Variants in ST18 observed in about 807,000 individuals in gnomAD.
ST18 encodes ST18 C2H2C-type zinc finger transcription factor, also known as suppression of tumorigenicity 18 protein.
ST18 carries 50 observed loss-of-function variants against 110.0 expected under a neutral mutation model. The observed-to-expected ratio is 0.45, with a 90% confidence interval of 0.36 to 0.58. The LOEUF (loss-of-function observed/expected upper bound fraction) is 0.58, where lower values mean the gene tolerates loss of function less well. Ranked by LOEUF, ST18 falls within the 20% of genes least tolerant of loss-of-function variation. The pLI is 0.00. For missense variants in ST18, 1,306 were observed against 1,280.1 expected (o/e 1.02, Z -0.31); for synonymous variants, 461 against 452.4 (o/e 1.02, Z -0.24).
At chr8:52,192,484 A>G (rs1183255463) in intron 8 of ST18, among the ~76,000 whole-genome samples, 36 of 152,198 alleles carry the variant, frequency 2.4e-4, no homozygotes, top group Admixed American at 2.4e-3. Flanking sequence ...ATTCACTGAT[A>G]CTATCACACA....
chr8:52,176,504 C>T (rs1161594053), intron 9 of ST18, among the ~76,000 whole-genome samples: 1 of 152,206 alleles, frequency 6.6e-6, no homozygotes, highest in Admixed American at 6.5e-5. Context: ...TACAGCCAGC[C>T]AGTGAGCAGA....
chr8:52,244,339 G>T (rs2093676278), intron 2 of ST18, among the ~76,000 whole-genome samples: 1 of 152,056 alleles, frequency 6.6e-6, no homozygotes, highest in South Asian at 2.1e-4. Flanking sequence ...AATATCAGTG[G>T]GATATTCTAT....
chr8:52,122,384 AC>A (rs2045284759), intron 23 of ST18, among the ~76,000 whole-genome samples: 2 of 152,136 alleles, frequency 1.3e-5, no homozygotes, highest in South Asian at 4.1e-4. Flanking sequence ...GGCTTTAAGT[AC>A]TATAGTTATG....
chr8:52,237,600 T>C (rs1299101009), intron 2 of ST18, among the ~76,000 whole-genome samples: 4 of 152,168 alleles, frequency 2.6e-5, no homozygotes, highest in Non-Finnish European at 5.9e-5. Flanking sequence ...CATCACAAGA[T>C]GGGTGATGGA....
chr8:52,319,511 T>G (rs1802949021), intron 2 of ST18, among the ~76,000 whole-genome samples: 1 of 152,242 alleles, frequency 6.6e-6, no homozygotes, highest in African/African-American at 2.4e-5. Context: ...TTTTTTAGTT[T>G]ATCATTATGA....
In ST18 at chr8:52,172,410, C is replaced by T; in HGVS notation, c.451G>A (p.Asp151Asn). The T allele has an allele frequency of 1.2e-6, 2 of 1,613,996 alleles. No individual in the cohort carries two copies. The highest frequency in any genetic ancestry group is 8.5e-7 in the Non-Finnish European group (1 of 1,180,030). The change falls in exon 10 of 26, where the codon GAC (aspartate) becomes AAC (asparagine). Residue 151 changes from aspartate (D) to asparagine (N), a missense_variant. By Grantham distance (23) the Asp-to-Asn change is conservative. Coordinates refer to ENST00000689386, the MANE Select transcript of ST18 (RefSeq NM_001352837.2). ...SVQTVSENLNDSGIQSLKAES... is the reference protein window; with the variant it reads ...SVQTVSENLNNSGIQSLKAES... ...GCTTTTAAAGACTGGATGCCACTGT[C>T]ATTTAAATTTTCACTTACAGTCTGA...
chr8:52,305,947 C>A (rs902448859), intron 2 of ST18, among the ~76,000 whole-genome samples: 12 of 152,192 alleles, frequency 7.9e-5, no homozygotes, highest in African/African-American at 2.7e-4. Flanking sequence ...TCCTTCAGGG[C>A]CTCCCTGTGT....
intron 2 of ST18, among the ~76,000 whole-genome samples, chr8:52,402,664 G>A (rs1216604381): frequency 1.3e-5 from 2 of 152,190 alleles, no homozygotes; most frequent in African/African-American, 4.8e-5. Flanking sequence ...GTGGGATACA[G>A]CAGTAGGTCA....
At position 52,133,268 on chromosome 8, in the gene ST18, G is replaced by A. The variant is rs752870557; in HGVS notation, c.2334C>T (p.His778=). ...TGTGGGAAGCATAGTTTCCAGTCAC[G>A]TGCCCCGAGCCATCGCAGCCTGGGG... The part of the protein sequence containing the change: ...CPTPGCDGSG[H]VTGNYASHRS... The change falls in exon 20 of 26, where the codon CAC becomes CAT. Residue 778 remains histidine (H), a synonymous_variant. Coordinates refer to ENST00000689386, the MANE Select transcript of ST18 (RefSeq NM_001352837.2). 157 of 1,614,096 alleles carry A rather than the reference G, an allele frequency of 9.7e-5. 2 individuals are homozygous for A. The highest frequency in any genetic ancestry group is 8.0e-4 in the South Asian group (73 of 91,072).
At chr8:52,407,216 A>G (rs903699346) in intron 2 of ST18, 3 of 152,204 alleles carry the variant, frequency 2.0e-5, no homozygotes, top group Non-Finnish European at 2.9e-5. Context: ...TTTTCTTTCC[A>G]GATTTCAAGT....
chr8:52,367,353 C>T (rs1051172810), intron 2 of ST18, among the ~76,000 whole-genome samples: 1 of 151,816 alleles, frequency 6.6e-6, no homozygotes, highest in Non-Finnish European at 1.5e-5. Context: ...ACCCGGGAGG[C>T]GGAGGTTGCA....
chr8:52,240,573 C>A (rs10111336), intron 2 of ST18, among the ~76,000 whole-genome samples: 2,672 of 152,202 alleles, frequency 0.018, 73 homozygotes, highest in African/African-American at 0.061. Context: ...CTTTTTCTTT[C>A]TTCCATATCT....
chr8:52,284,528 T>G (rs905512389), intron 2 of ST18, among the ~76,000 whole-genome samples: 2 of 152,040 alleles, frequency 1.3e-5, no homozygotes, highest in African/African-American at 2.4e-5. Context: ...CAGGATGGTC[T>G]AGAAGCAGTG....
intron 2 of ST18, among the ~76,000 whole-genome samples, chr8:52,285,106 T>C (rs2095446857): frequency 1.3e-5 from 2 of 152,148 alleles, no homozygotes; most frequent in African/African-American, 2.4e-5. Context: ...GCTTCTGAGA[T>C]TTTCCACAAG....
intron 2 of ST18, among the ~76,000 whole-genome samples, chr8:52,398,034 T>C (rs1003192323): frequency 3.3e-5 from 5 of 152,284 alleles, no homozygotes; most frequent in African/African-American, 4.8e-5. Flanking sequence ...CTGCTTTAAG[T>C]AGCATGGTCA....
chr8:52,330,469 C>T (rs1056925988), intron 2 of ST18, among the ~76,000 whole-genome samples: 1 of 152,190 alleles, frequency 6.6e-6, no homozygotes, highest in East Asian at 1.9e-4. Flanking sequence ...TAGCAAATGT[C>T]CCTTTTCAAA....
rs371321412 is a variant in ST18, at chr8:52,240,024, G to T, written c.-464-9947C>A. The stretch of plus-strand genomic sequence containing the variant: ...GTCCAGGCTAGTCTCGAACTGCTGG[G>T]CTCAAGAGATCCACCCACCTCGGCC... On this transcript the variant is annotated intron_variant, in intron 2 of 25. Coordinates refer to ENST00000689386, the MANE Select transcript of ST18 (RefSeq NM_001352837.2). Among the ~76,000 whole-genome samples the T allele has an allele frequency of 3.3e-5, 5 of 152,174 alleles. No homozygotes were observed. The East Asian group carries it at 5.8e-4, about 18-fold the overall frequency.
chr8:52,394,931 C>A (rs1840577564), intron 2 of ST18, among the ~76,000 whole-genome samples: 1 of 152,126 alleles, frequency 6.6e-6, no homozygotes, highest in South Asian at 2.1e-4. Context: ...AAAGAAACTA[C>A]AGAAACACAG....
At chr8:52,378,616 T>A (rs1017452112) in intron 2 of ST18, among the ~76,000 whole-genome samples, 2 of 152,296 alleles carry the variant, frequency 1.3e-5, no homozygotes, top group East Asian at 3.9e-4. Flanking sequence ...AATTAAGATA[T>A]AATAAATCCT....
Sources: allele counts gnomAD v4.1 joint callset (sites outside exome capture counted in the v4.1 genomes callset), GRCh38; gene constraint gnomAD v4.1.1; transcripts MANE v1.5; gene names NCBI Gene and HGNC (gene_info 2026-07-23, HGNC 2026-07-21).